BAZ1A: variants seen among roughly 807,000 people sequenced by gnomAD.
BAZ1A encodes bromodomain adjacent to zinc finger domain protein 1A.
Under a neutral mutation model 185.2 loss-of-function variants are expected in BAZ1A, and 50 were observed. The observed-to-expected ratio is 0.27, with a 90% CI of 0.22 to 0.34. BAZ1A has a LOEUF of 0.34. BAZ1A is among the 10% of genes least tolerant of loss of function. The pLI, the probability that BAZ1A is intolerant of heterozygous loss-of-function variation, is 1.00. For missense variants in BAZ1A, 1,356 were observed against 1,839.9 expected (o/e 0.74, Z 4.81); for synonymous variants, 571 against 615.6 (o/e 0.93, Z 1.07).
At chr14:34,759,435 G>A (rs61503336) in intron 24 of BAZ1A, among the ~76,000 whole-genome samples, 3,302 of 152,008 alleles carry the variant, frequency 0.022, 137 homozygotes, top group African/African-American at 0.076. Context: ...TCCTGACCTC[G>A]TGATCTGCCC....
chr14:34,863,152 CTTTTTTTTTTTTTTT>C (rs71121233), intron 2 of BAZ1A, among the ~76,000 whole-genome samples: 2 of 44,690 alleles, frequency 4.5e-5, no homozygotes, highest in African/African-American at 1.3e-4. Flanking sequence ...CCACGCTCGG[CTTTTTTTTTTTTTTT>C]TTTTTTTTTT....
intron 12 of BAZ1A, among the ~76,000 whole-genome samples, chr14:34,790,151 A>T (rs1880746160): frequency 6.6e-6 from 1 of 151,220 alleles, no homozygotes. Flanking sequence ...CCTCCCTAAC[A>T]TTTAAATAAA....
intron 3 of BAZ1A, among the ~76,000 whole-genome samples, chr14:34,827,085 A>ATCTC (rs113281273): frequency 1.0e-4 from 15 of 150,532 alleles, no homozygotes; most frequent in East Asian, 3.9e-4. Context: ...CCCTTCTCCT[A>ATCTC]TCTCTCTCTC....
chr14:34,819,140 C>CAAAA (rs71121223), intron 4 of BAZ1A, among the ~76,000 whole-genome samples: 1 of 72,752 alleles, frequency 1.4e-5, no homozygotes. Flanking sequence ...GACTCTGTCT[C>CAAAA]AAAAAAAAAA....
At chr14:34,770,931 T>C (rs1449636035) in intron 21 of BAZ1A, among the ~76,000 whole-genome samples, 2 of 96,702 alleles carry the variant, frequency 2.1e-5, no homozygotes, top group Non-Finnish European at 4.7e-5. Flanking sequence ...CTCTTTCAAA[T>C]AACAGAAAAA....
intron 11 of BAZ1A, among the ~76,000 whole-genome samples, chr14:34,794,334 T>C (rs1881060534): frequency 6.6e-6 from 1 of 152,146 alleles, no homozygotes; most frequent in Admixed American, 6.5e-5. Flanking sequence ...AGGTAGGCAA[T>C]AACCTGTCTG....
intron 12 of BAZ1A, among the ~76,000 whole-genome samples, chr14:34,788,534 G>A (rs999155459): frequency 6.6e-6 from 1 of 152,010 alleles, no homozygotes; most frequent in African/African-American, 2.4e-5. Context: ...ACATTCCTGA[G>A]CTCAACTGAT....
intron 2 of BAZ1A, among the ~76,000 whole-genome samples, chr14:34,863,590 G>C (rs1255036607): frequency 6.6e-6 from 1 of 152,138 alleles, no homozygotes; most frequent in East Asian, 1.9e-4. Flanking sequence ...ACAGGCGTGA[G>C]CCACCATTCC....
chr14:34,874,205 A>C lies in BAZ1A; in HGVS notation c.113+287T>G. 2 of 311,320 alleles carry C rather than the reference A, an allele frequency of 6.4e-6. No individual in the cohort carries two copies. The allele number at this position is 311,320 out of a possible 1,614,324, so 19.3% of individuals were successfully genotyped here. On this transcript the variant is annotated intron_variant, in intron 2 of 26. Transcript: ENST00000360310. The surrounding 1 kb of genome is among the most constrained non-coding windows in gnomAD (Gnocchi z 4.7). ...GAGTTTCCGCCGCCCCGCGGCCAAG[A>C]GGGCGGGAGGGCGACAGCAGCGGCT...
At chr14:34,759,087 A>G (rs1453620424) in intron 24 of BAZ1A, among the ~76,000 whole-genome samples, 3 of 151,242 alleles carry the variant, frequency 2.0e-5, no homozygotes, top group African/African-American at 7.3e-5. Context: ...AGATTTTCAG[A>G]GTGTAATGCA....
At chr14:34,828,293 CAAAAAAAAAAA>C (rs369878009) in intron 3 of BAZ1A, among the ~76,000 whole-genome samples, 2 of 83,558 alleles carry the variant, frequency 2.4e-5, no homozygotes, top group Non-Finnish European at 4.4e-5. Flanking sequence ...AACTCCGTCT[CAAAAAAAAAAA>C]AAAAAAAAAA....
intron 3 of BAZ1A, among the ~76,000 whole-genome samples, chr14:34,844,325 G>C (rs1472034811): frequency 6.6e-6 from 1 of 151,984 alleles, no homozygotes; most frequent in African/African-American, 2.4e-5. Context: ...AACCAAAGAG[G>C]TGAAAGACTT....
At chr14:34,814,374 T>C (rs1001122071) in intron 4 of BAZ1A, among the ~76,000 whole-genome samples, 1 of 152,102 alleles carries the variant, frequency 6.6e-6, no homozygotes, top group Non-Finnish European at 1.5e-5. Context: ...TAAAATAATA[T>C]ACTAACAGGA....
chr14:34,763,310 G>A (rs1878552027), intron 23 of BAZ1A, among the ~76,000 whole-genome samples: 1 of 152,022 alleles, frequency 6.6e-6, no homozygotes, highest in East Asian at 1.9e-4. Flanking sequence ...AAACAGATGG[G>A]GTGGCTCTAT....
At chr14:34,761,355 A>G (rs1393623113) in intron 24 of BAZ1A, among the ~76,000 whole-genome samples, 1 of 152,110 alleles carries the variant, frequency 6.6e-6, no homozygotes, top group African/African-American at 2.4e-5. Flanking sequence ...CTTTCCCCCA[A>G]ATTCAGTATT....
At chr14:34,827,100 T>C (rs1250744658) in intron 3 of BAZ1A, among the ~76,000 whole-genome samples, 1 of 152,032 alleles carries the variant, frequency 6.6e-6, no homozygotes, top group East Asian at 1.9e-4. Flanking sequence ...TCTCTCTCTC[T>C]CGATAAATAT....
chr14:34,768,299 G>A (rs72678730), intron 21 of BAZ1A, among the ~76,000 whole-genome samples: 3 of 151,938 alleles, frequency 2.0e-5, no homozygotes, highest in South Asian at 2.1e-4. Flanking sequence ...CTTCTCTAGG[G>A]GACAAAACAT....
At chr14:34,764,574 A>G in intron 23 of BAZ1A, 133 bp downstream of exon 23, 2 of 1,254,518 alleles carry the variant, frequency 1.6e-6, no homozygotes, top group Non-Finnish European at 2.2e-6. Flanking sequence ...TTATAGGCAT[A>G]AGCTACCGTG....
intron 5 of BAZ1A, among the ~76,000 whole-genome samples, chr14:34,809,543 A>C (rs111277280): frequency 6.6e-6 from 1 of 152,150 alleles, no homozygotes; most frequent in African/African-American, 2.4e-5. Context: ...CTTCTTTATT[A>C]GAGGAATATT....
Sources: gnomAD v4.1 joint callset for allele counts (sites outside exome capture counted in the v4.1 genomes callset) on GRCh38, gnomAD v4.1.1 for gene constraint, Gnocchi (gnomAD v3.1) non-coding constraint, MANE v1.5 for transcripts, NCBI Gene and HGNC (gene_info 2026-07-23, HGNC 2026-07-21) for gene names.